The following ATRNL1 variants were observed in gnomAD, a reference collection of about 807,000 sequenced individuals.
ATRNL1 encodes the protein attractin-like protein 1.
A neutral mutation model predicts 182.7 loss-of-function variants in ATRNL1; 95 were observed. The observed-to-expected ratio is 0.52, with a 90% CI of 0.44 to 0.62. The LOEUF (loss-of-function observed/expected upper bound fraction) is 0.62. Among genes scored for constraint, ATRNL1 ranks in the 20% least tolerant of loss-of-function variants. The probability of loss-of-function intolerance (pLI) is 0.00; values close to 1 mark genes in which losing one functional copy is unlikely to be tolerated. For synonymous variants in ATRNL1, 576 were observed against 568.3 expected, an observed-to-expected ratio of 1.01 and a Z score of -0.19; for missense variants, 1,471 against 1,679.5, an observed-to-expected ratio of 0.88 and a Z score of 2.17.
intron 26 of ATRNL1, among the ~76,000 whole-genome samples, chr10:115,554,681 G>T (rs1040909563): frequency 6.6e-6 from 1 of 151,474 alleles, no homozygotes; most frequent in Non-Finnish European, 1.5e-5. Context: ...TTATTGTGAT[G>T]TCATGCATAG....
At chr10:115,687,019 A>G (rs1946240258) in intron 26 of ATRNL1, among the ~76,000 whole-genome samples, 1 of 151,524 alleles carries the variant, frequency 6.6e-6, no homozygotes, top group Admixed American at 6.6e-5. Context: ...CTTCCACCTT[A>G]TTTATTTATT....
intron 28 of ATRNL1, among the ~76,000 whole-genome samples, chr10:115,851,883 G>A (rs151016389): frequency 2.0e-5 from 3 of 152,146 alleles, no homozygotes; most frequent in African/African-American, 7.2e-5. Context: ...ATGAAAACAG[G>A]ACACATTAAG....
chr10:115,577,610 T>TTGTGTGTG (rs3981280), intron 26 of ATRNL1, among the ~76,000 whole-genome samples: 15,884 of 134,862 alleles, frequency 0.12, 1,203 homozygotes, highest in Middle Eastern at 0.17. Context: ...TTCTAACAGG[T>TTGTGTGTG]TGTGTGTGTG....
At chr10:115,548,356 G>A (rs1421866384) in intron 25 of ATRNL1, among the ~76,000 whole-genome samples, 1 of 152,172 alleles carries the variant, frequency 6.6e-6, no homozygotes, top group Non-Finnish European at 1.5e-5. Context: ...CATAGGCAAG[G>A]AGAAAAAATA....
chr10:115,354,785 TC>T (rs1460191747), intron 19 of ATRNL1, among the ~76,000 whole-genome samples: 3 of 152,124 alleles, frequency 2.0e-5, no homozygotes, highest in Non-Finnish European at 2.9e-5. Context: ...TCTACCCCGG[TC>T]TTTTTCTTTG....
chr10:115,180,277 G>A (rs557171084), intron 8 of ATRNL1, among the ~76,000 whole-genome samples: 3 of 151,686 alleles, frequency 2.0e-5, no homozygotes, highest in South Asian at 4.2e-4. Context: ...ATATACATGT[G>A]CATGTCATCT....
intron 24 of ATRNL1, among the ~76,000 whole-genome samples, chr10:115,477,910 A>C (rs1208157357): frequency 6.6e-6 from 1 of 151,690 alleles, no homozygotes; most frequent in African/African-American, 2.4e-5. Flanking sequence ...ATCAATGCCA[A>C]TTCTAATGTA....
intron 27 of ATRNL1, among the ~76,000 whole-genome samples, chr10:115,772,597 C>G (rs2420112): frequency 0.48 from 67,270 of 139,914 alleles, 16,688 homozygotes; most frequent in East Asian, 0.72. Flanking sequence ...TATACTCTGT[C>G]TGTGTGTGTG....
At chr10:115,248,266 C>T (rs1335500231) in intron 10 of ATRNL1, among the ~76,000 whole-genome samples, 1 of 152,010 alleles carries the variant, frequency 6.6e-6, no homozygotes, top group African/African-American at 2.4e-5. Flanking sequence ...TGTATTGAAG[C>T]ATCACTATAT....
intron 27 of ATRNL1, among the ~76,000 whole-genome samples, chr10:115,806,565 T>G (rs1949924406): frequency 6.6e-6 from 1 of 152,128 alleles, no homozygotes; most frequent in Non-Finnish European, 1.5e-5. Flanking sequence ...CTATAAAGCT[T>G]CTCAATTCTT....
chr10:115,724,262 A>T (rs1450626913), intron 26 of ATRNL1, among the ~76,000 whole-genome samples: 3 of 152,184 alleles, frequency 2.0e-5, no homozygotes, highest in Non-Finnish European at 4.4e-5. Flanking sequence ...AGGCAGTTCC[A>T]AATCTAAATT....
At chr10:115,803,458 A>G (rs533868401) in intron 27 of ATRNL1, among the ~76,000 whole-genome samples, 4 of 152,278 alleles carry the variant, frequency 2.6e-5, no homozygotes, top group South Asian at 2.1e-4. Flanking sequence ...TTGCAGATAA[A>G]CATCACTATG....
intron 19 of ATRNL1, among the ~76,000 whole-genome samples, chr10:115,380,035 G>A (rs1857907332): frequency 6.6e-6 from 1 of 151,938 alleles, no homozygotes; most frequent in Admixed American, 6.6e-5. Context: ...TTTCACCCTG[G>A]TAGCCAGGAT....
chr10:115,159,463 A>T (rs553753600), intron 5 of ATRNL1, among the ~76,000 whole-genome samples: 3 of 150,836 alleles, frequency 2.0e-5, no homozygotes, highest in East Asian at 3.9e-4. Context: ...ATGATGCATA[A>T]TTTTTTTTTC....
chr10:115,389,540 G>A (rs35104589), intron 19 of ATRNL1, among the ~76,000 whole-genome samples: 4,358 of 44,082 alleles, frequency 0.099, 683 homozygotes, highest in South Asian at 0.25. Flanking sequence ...ATGTGTATGT[G>A]TATATATATA....
intron 27 of ATRNL1, among the ~76,000 whole-genome samples, chr10:115,807,223 C>A (rs1411025129): frequency 6.6e-6 from 1 of 151,584 alleles, no homozygotes; most frequent in Non-Finnish European, 1.5e-5. Context: ...TCAAGTGATT[C>A]TCATACCTCA....
At chr10:115,171,627 T>C (rs1470439949) in intron 8 of ATRNL1, among the ~76,000 whole-genome samples, 1 of 152,050 alleles carries the variant, frequency 6.6e-6, no homozygotes, top group Admixed American at 6.6e-5. Context: ...TCCCAGTCTC[T>C]TTACTATGCA....
chr10:115,300,949 A>G (rs1258914834), intron 16 of ATRNL1, among the ~76,000 whole-genome samples: 3 of 152,058 alleles, frequency 2.0e-5, no homozygotes, highest in Non-Finnish European at 2.9e-5. Flanking sequence ...TTCTGTCTCT[A>G]TGAATTTACT....
chr10:115,131,559 G>GAT (rs1211031432), intron 5 of ATRNL1, among the ~76,000 whole-genome samples: 2 of 152,082 alleles, frequency 1.3e-5, no homozygotes, highest in African/African-American at 4.8e-5. Context: ...TTTTATTTCA[G>GAT]ATATATATAG....
Sources: gnomAD v4.1 joint callset for allele counts (sites outside exome capture counted in the v4.1 genomes callset) on GRCh38, gnomAD v4.1.1 for gene constraint, MANE v1.5 for transcripts, NCBI Gene and HGNC (gene_info 2026-07-23, HGNC 2026-07-21) for gene names.